Variants in FNDC3B observed in about 807,000 individuals in gnomAD.
FNDC3B encodes fibronectin type III domain-containing protein 3B.
Under a neutral mutation model 151.5 loss-of-function variants are expected in FNDC3B, and 12 were observed. That is an observed-to-expected ratio of 0.08 (90% CI 0.05 to 0.13). FNDC3B has a LOEUF of 0.13. Ranked by LOEUF, FNDC3B falls within the 10% of genes least tolerant of loss-of-function variation. The pLI, the probability that FNDC3B is intolerant of heterozygous loss-of-function variation, is 1.00. For missense variants in FNDC3B, 1,214 were observed against 1,505.3 expected (o/e 0.81, Z 3.20); for synonymous variants, 528 against 549.0 (o/e 0.96, Z 0.54).
At chr3:172,163,985 C>T (rs1290206711) in intron 3 of FNDC3B, among the ~76,000 whole-genome samples, 4 of 152,144 alleles carry the variant, frequency 2.6e-5, no homozygotes, top group East Asian at 1.9e-4. Flanking sequence ...AATTTAATCT[C>T]GCTTGAGTTT....
chr3:172,134,321 A>G (rs1721255014), intron 3 of FNDC3B: 2 of 514,650 alleles, frequency 3.9e-6, no homozygotes, highest in Non-Finnish European at 7.8e-6. Context: ...CTGTGTAGGA[A>G]GATCAACCTA....
At chr3:172,124,321 C>T (rs1720700844) in intron 2 of FNDC3B, among the ~76,000 whole-genome samples, 1 of 152,222 alleles carries the variant, frequency 6.6e-6, no homozygotes, top group Non-Finnish European at 1.5e-5. Flanking sequence ...GAAGTCCCAG[C>T]CTCAAGTGAT....
chr3:172,281,354 C>G (rs1204780936), intron 6 of FNDC3B, among the ~76,000 whole-genome samples: 2 of 152,066 alleles, frequency 1.3e-5, no homozygotes, highest in Non-Finnish European at 2.9e-5. Flanking sequence ...CAAGCGATCT[C>G]CTGCCTAAGC....
chr3:172,061,696 CCTGTCT>C (rs1486758377), intron 1 of FNDC3B, among the ~76,000 whole-genome samples: 1 of 152,140 alleles, frequency 6.6e-6, no homozygotes, highest in African/African-American at 2.4e-5. Flanking sequence ...TCTATATTTT[CCTGTCT>C]CTTTTGTTTC....
chr3:172,076,632 CAG>C (rs1054555559), intron 1 of FNDC3B, among the ~76,000 whole-genome samples: 30 of 151,910 alleles, frequency 2.0e-4, no homozygotes, highest in African/African-American at 6.3e-4. Flanking sequence ...TTTTTTTAAA[CAG>C]AGTGGAAATT....
intron 4 of FNDC3B, among the ~76,000 whole-genome samples, chr3:172,230,510 A>G (rs1193066893): frequency 6.6e-6 from 1 of 151,990 alleles, no homozygotes; most frequent in Admixed American, 6.5e-5. Flanking sequence ...TCTCAAAAAA[A>G]AAAAAAGAAC....
chr3:172,348,647 C>T (rs1733717992), intron 21 of FNDC3B, among the ~76,000 whole-genome samples: 1 of 152,196 alleles, frequency 6.6e-6, no homozygotes, highest in African/African-American at 2.4e-5. Flanking sequence ...TATTATATCT[C>T]CTTCTCTTTC....
chr3:172,392,496 C>T (rs1736058876), intron 25 of FNDC3B, among the ~76,000 whole-genome samples: 1 of 152,136 alleles, frequency 6.6e-6, no homozygotes, highest in Admixed American at 6.5e-5. Context: ...CATTGGAAGC[C>T]TGGCCTCCGT....
At chr3:172,243,161 A>C (rs1450066147) in intron 4 of FNDC3B, among the ~76,000 whole-genome samples, 1 of 152,198 alleles carries the variant, frequency 6.6e-6, no homozygotes, top group East Asian at 1.9e-4. Flanking sequence ...AAGCCATTCA[A>C]GTCTCTAGGG....
intron 3 of FNDC3B, among the ~76,000 whole-genome samples, chr3:172,182,991 C>T (rs1363181713): frequency 1.3e-5 from 2 of 152,206 alleles, no homozygotes; most frequent in African/African-American, 4.8e-5. Context: ...AAGCAAGATA[C>T]AGCAAGCTAA....
At chr3:172,378,502 A>G in intron 24 of FNDC3B, 66 bp downstream of exon 24, 1 of 1,381,142 alleles carries the variant, frequency 7.2e-7, no homozygotes, top group Non-Finnish European at 9.8e-7. Context: ...ACTTATAGAA[A>G]GAAGCTCTTT....
intron 25 of FNDC3B, among the ~76,000 whole-genome samples, chr3:172,388,592 G>T (rs934889611): frequency 6.6e-6 from 1 of 152,170 alleles, no homozygotes; most frequent in African/African-American, 2.4e-5. Context: ...GCCCTGATGC[G>T]CAGAGCTGCA....
intron 22 of FNDC3B, among the ~76,000 whole-genome samples, chr3:172,354,701 G>A (rs1456314905): frequency 1.3e-5 from 2 of 151,654 alleles, no homozygotes; most frequent in African/African-American, 4.8e-5. Context: ...GGGAACCAAA[G>A]GTATAATTTT....
At chr3:172,114,188 T>C (rs940780031) in intron 2 of FNDC3B, among the ~76,000 whole-genome samples, 1 of 152,174 alleles carries the variant, frequency 6.6e-6, no homozygotes, top group Non-Finnish European at 1.5e-5. Context: ...AGTGCTGGCC[T>C]CTCTCTCTGT....
chr3:172,281,168 C>A (rs1729689838), intron 6 of FNDC3B, among the ~76,000 whole-genome samples: 1 of 151,528 alleles, frequency 6.6e-6, no homozygotes, highest in Non-Finnish European at 1.5e-5. Context: ...CAAAATGCCC[C>A]TTCTCTGTGT....
chr3:172,075,954 A>T (rs886584366), intron 1 of FNDC3B, among the ~76,000 whole-genome samples: 2 of 152,128 alleles, frequency 1.3e-5, no homozygotes, highest in Non-Finnish European at 2.9e-5. Context: ...GCAACCCAGA[A>T]CACATTCGTT....
chr3:172,239,049 ATTTATTTT>A (rs1209382182), intron 4 of FNDC3B, among the ~76,000 whole-genome samples: 2 of 84,836 alleles, frequency 2.4e-5, no homozygotes, highest in African/African-American at 1.3e-4. Flanking sequence ...GATATAATTA[ATTTATTTT>A]TTTTTTTTTA....
chr3:172,119,810 G>A (rs1184242208), intron 2 of FNDC3B, among the ~76,000 whole-genome samples: 1 of 152,166 alleles, frequency 6.6e-6, no homozygotes, highest in Non-Finnish European at 1.5e-5. Flanking sequence ...TCCGCTTGAT[G>A]CCTGTTGCTC....
At chr3:172,085,909 T>A (rs970556130) in intron 1 of FNDC3B, among the ~76,000 whole-genome samples, 3 of 152,236 alleles carry the variant, frequency 2.0e-5, no homozygotes, top group African/African-American at 7.2e-5. Flanking sequence ...TTAGAAGGGC[T>A]CTATAGGTGT....
Sources: gnomAD v4.1 joint callset for allele counts (sites outside exome capture counted in the v4.1 genomes callset) on GRCh38, gnomAD v4.1.1 for gene constraint, MANE v1.5 for transcripts, NCBI Gene and HGNC (gene_info 2026-07-23, HGNC 2026-07-21) for gene names.